KANK1: variants seen among roughly 807,000 people sequenced by gnomAD.
The protein encoded by KANK1 is KN motif and ankyrin repeat domains 1, also known as KN motif and ankyrin repeat domain-containing protein 1.
Under a neutral mutation model 106.2 loss-of-function variants are expected in KANK1, and 109 were observed. The observed-to-expected ratio is 1.03, with a 90% CI of 0.88 to 1.20. The LOEUF (loss-of-function observed/expected upper bound fraction) is 1.20. Ranked by LOEUF, KANK1 falls within the 50% of genes most tolerant of loss-of-function variation. The pLI, the probability that KANK1 is intolerant of heterozygous loss-of-function variation, is 0.00. For synonymous variants in KANK1, 873 were observed against 652.2 expected, an observed-to-expected ratio of 1.34 and a Z score of -5.16; for missense variants, 2,399 against 1,710.7, an observed-to-expected ratio of 1.40 and a Z score of -7.10.
chr9:589,338 ATACT>A (rs1236470406), intron 1 of KANK1, among the ~76,000 whole-genome samples: 3 of 152,196 alleles, frequency 2.0e-5, no homozygotes, highest in African/African-American at 7.2e-5. Context: ...CTGACTGTAA[ATACT>A]TACTCTTGAT....
chr9:657,239 T>G (rs374570705), intron 1 of KANK1, among the ~76,000 whole-genome samples: 1 of 152,208 alleles, frequency 6.6e-6, no homozygotes, highest in Non-Finnish European at 1.5e-5. Context: ...GTCCATTGTA[T>G]GCATATACCA....
intron 1 of KANK1, among the ~76,000 whole-genome samples, chr9:635,697 T>C (rs1316992683): frequency 2.4e-5 from 3 of 126,630 alleles, no homozygotes; most frequent in Non-Finnish European, 5.4e-5. Context: ...TTTTATTCTT[T>C]TTTTTTTTTT....
intron 1 of KANK1, among the ~76,000 whole-genome samples, chr9:614,323 T>A (rs1286720078): frequency 6.6e-6 from 1 of 152,244 alleles, no homozygotes; most frequent in Non-Finnish European, 1.5e-5. Context: ...ATGAGATTGT[T>A]TTCTCTATTC....
rs528442133 is a variant in KANK1 at position 728,837 on chromosome 9, G to A, written c.2699-1214G>A. 2.6e-5 allele frequency among the ~76,000 whole-genome samples: 4 copies of A among 152,296 alleles called. No homozygotes were observed. The South Asian group carries it at 8.3e-4, about 32-fold the overall frequency. On this transcript the variant is annotated intron_variant, in intron 3 of 11. Coordinates refer to ENST00000382297, the MANE Select transcript of KANK1 (RefSeq NM_015158.5). ...CTTTTTCAACCATTTGCCAATCAGAGTATCTTTGAATCTACCGAAGACCTG... is the reference window on the plus strand; with the variant it reads ...CTTTTTCAACCATTTGCCAATCAGAATATCTTTGAATCTACCGAAGACCTG...
intron 2 of KANK1, among the ~76,000 whole-genome samples, chr9:679,363 T>C (rs1209258760): frequency 6.6e-6 from 1 of 152,166 alleles, no homozygotes; most frequent in Non-Finnish European, 1.5e-5. Context: ...TACATACATA[T>C]ATGTATATAC....
chr9:519,151 A>T (rs1440767500), intron 1 of KANK1, among the ~76,000 whole-genome samples: 5 of 151,624 alleles, frequency 3.3e-5, no homozygotes, highest in African/African-American at 1.2e-4. Flanking sequence ...CGGCCTCCCA[A>T]AGTGCTGGGA....
chr9:630,721 G>C (rs1022758803), intron 1 of KANK1, among the ~76,000 whole-genome samples: 2 of 151,608 alleles, frequency 1.3e-5, no homozygotes. Context: ...GGCCAACATG[G>C]TAAAACCCTG....
At chr9:581,187 G>A (rs190462123) in intron 1 of KANK1, among the ~76,000 whole-genome samples, 103 of 152,284 alleles carry the variant, frequency 6.8e-4, no homozygotes, top group Middle Eastern at 3.4e-3. Context: ...AGAGGGAGCC[G>A]GCTCCGGCCT....
Position 735,570 on chromosome 9 carries a change from T to C in KANK1, c.3333+735T>C, listed in dbSNP as rs145534812. On this transcript the variant is annotated intron_variant, in intron 7 of 11. Coordinates refer to ENST00000382297, the MANE Select transcript of KANK1 (RefSeq NM_015158.5). ...TTTTTATTAGTGCATTGAGAAAATGTAGGATCCCCTAAGGATACCGAAATG... is the reference window on the plus strand; with the variant it reads ...TTTTTATTAGTGCATTGAGAAAATGCAGGATCCCCTAAGGATACCGAAATG... 1.2e-5 allele frequency: 2 copies of C among 165,502 alleles called. 1 individual carries two copies. Among genetic ancestry groups the C allele is most frequent in the African/African-American group, 4.7e-5 (2 of 42,556 alleles). 10.3% of individuals were successfully genotyped at this position (165,502 alleles called of 1,614,324 possible).
intron 1 of KANK1, among the ~76,000 whole-genome samples, chr9:584,624 G>A (rs1042598968): frequency 6.6e-6 from 1 of 152,148 alleles, no homozygotes; most frequent in African/African-American, 2.4e-5. Context: ...CTTAGCATTT[G>A]AGACTTGATA....
At chr9:590,879 A>G (rs1271759081) in intron 1 of KANK1, among the ~76,000 whole-genome samples, 1 of 151,866 alleles carries the variant, frequency 6.6e-6, no homozygotes, top group Non-Finnish European at 1.5e-5. Flanking sequence ...ATTTTCTTAT[A>G]AAATTAGGAA....
chr9:694,124 T>C (rs1820642570), intron 2 of KANK1, among the ~76,000 whole-genome samples: 1 of 152,200 alleles, frequency 6.6e-6, no homozygotes. Context: ...GTTTTTCCAA[T>C]AGGGAGTTGC....
intron 1 of KANK1, among the ~76,000 whole-genome samples, chr9:644,538 C>G (rs541738106): frequency 6.6e-6 from 1 of 150,834 alleles, no homozygotes; most frequent in East Asian, 1.9e-4. Flanking sequence ...GTGGCCAGAG[C>G]AGGAGGAAGA....
intron 1 of KANK1, among the ~76,000 whole-genome samples, chr9:566,587 ATTTGCG>A (rs1383699009): frequency 6.6e-6 from 1 of 151,998 alleles, no homozygotes; most frequent in Non-Finnish European, 1.5e-5. Context: ...TGTGGTTGTT[ATTTGCG>A]TTTCTCTAAT....
intron 1 of KANK1, among the ~76,000 whole-genome samples, chr9:661,240 C>T (rs1340074613): frequency 6.6e-6 from 1 of 152,008 alleles, no homozygotes; most frequent in Non-Finnish European, 1.5e-5. Context: ...TCGTCATTTA[C>T]ATTAGGTATT....
intron 1 of KANK1, among the ~76,000 whole-genome samples, chr9:516,747 A>G (rs2059294534): frequency 6.6e-6 from 1 of 151,662 alleles, no homozygotes; most frequent in Non-Finnish European, 1.5e-5. Flanking sequence ...TGTTGAATGA[A>G]TATGGATCAT....
intron 1 of KANK1, among the ~76,000 whole-genome samples, chr9:589,378 G>A (rs187857853): frequency 6.6e-4 from 100 of 152,314 alleles, no homozygotes; most frequent in African/African-American, 2.2e-3. Context: ...GATAAGCTAA[G>A]GAGGTGCAGG....
chr9:678,740 A>G (rs1418323818), intron 2 of KANK1, among the ~76,000 whole-genome samples: 5 of 152,186 alleles, frequency 3.3e-5, no homozygotes, highest in Admixed American at 2.6e-4. Flanking sequence ...AATAAAATAA[A>G]TCAGAATTAT....
At chr9:578,037 C>G (rs1187933530) in intron 1 of KANK1, among the ~76,000 whole-genome samples, 3 of 152,080 alleles carry the variant, frequency 2.0e-5, no homozygotes, top group Non-Finnish European at 2.9e-5. Flanking sequence ...CAGGTCACCC[C>G]TAGATGTGAT....
Sources: allele counts gnomAD v4.1 joint callset (sites outside exome capture counted in the v4.1 genomes callset), GRCh38; gene constraint gnomAD v4.1.1; transcripts MANE v1.5; gene names NCBI Gene and HGNC (gene_info 2026-07-23, HGNC 2026-07-21).